The following HTR3B variants were observed in gnomAD, a reference collection of about 807,000 sequenced individuals.
The protein encoded by HTR3B is 5-hydroxytryptamine receptor 3B.
A neutral mutation model predicts 42.8 loss-of-function variants in HTR3B; 44 were observed. That is an observed-to-expected ratio of 1.03 (90% confidence interval 0.81 to 1.32). The LOEUF is 1.32. Among genes scored for constraint, HTR3B ranks in the 40% most tolerant of loss-of-function variants. The pLI, the probability that HTR3B is intolerant of heterozygous loss-of-function variation, is 0.00. For synonymous variants in HTR3B, 203 were observed against 209.0 expected, an observed-to-expected ratio of 0.97 and a Z score of 0.25; for missense variants, 527 against 536.5, an observed-to-expected ratio of 0.98 and a Z score of 0.17.
In HTR3B at chr11:113,944,627, T is replaced by C. The variant is rs751069475; in HGVS notation, c.962T>C (p.Ile321Thr). The C allele has an allele frequency of 7.4e-6, 12 of 1,614,044 alleles. No homozygotes were observed. The highest frequency in any genetic ancestry group is 4.4e-5 in the South Asian group (4 of 91,086). The stretch of plus-strand genomic sequence containing the variant: ...TTGGTTCTCAGCTTAGCTAAGTCCA[T>C]CGTGTTGGTCAAATTCCTCCATGAT... The part of the protein sequence containing the change: ...AFLVLSLAKS[I>T]VLVKFLHDEQ... Residue 321 changes from isoleucine to threonine, a missense_variant, in exon 8 of 9, where the codon ATC becomes ACC. Physicochemically the swap from Ile to Thr is moderately conservative, Grantham distance 89. Coordinates refer to ENST00000260191, the MANE Select transcript of HTR3B (RefSeq NM_006028.5).
chr11:113,915,036 T>C (rs1423756238), intron 2 of HTR3B, among the ~76,000 whole-genome samples: 1 of 152,212 alleles, frequency 6.6e-6, no homozygotes, highest in Non-Finnish European at 1.5e-5. Flanking sequence ...ATATATTTTT[T>C]TCTATTATTT....
Position 113,945,919 on chromosome 11 carries a change from G to A in HTR3B, c.1108G>A (p.Glu370Lys), listed in dbSNP as rs998681890. The A allele has an allele frequency of 9.9e-6, 16 of 1,613,954 alleles. No homozygotes were observed. The African/African-American group carries it at 1.9e-4, about 19-fold the overall frequency. ...TCACACAGAGTCCTCGCTGTATGGA[G>A]AGCACCTGGCCCAGCCAGGAACCCT... ...AVVTESSLYG[E>K]HLAQPGTLKE... Residue 370 changes from glutamate (E) to lysine (K), a missense_variant, in exon 9 of 9, where the codon GAG becomes AAG. Coordinates refer to ENST00000260191, the MANE Select transcript of HTR3B (RefSeq NM_006028.5).
At chr11:113,917,620 G>T (rs961968647) in intron 2 of HTR3B, among the ~76,000 whole-genome samples, 12 of 150,708 alleles carry the variant, frequency 8.0e-5, no homozygotes, top group East Asian at 5.9e-4. Context: ...GTCTTTGGGG[G>T]TTTTTTTTGA....
At chr11:113,925,811 G>T (rs886868453) in intron 2 of HTR3B, among the ~76,000 whole-genome samples, 1 of 152,130 alleles carries the variant, frequency 6.6e-6, no homozygotes, top group Non-Finnish European at 1.5e-5. Flanking sequence ...TACTGGAAAT[G>T]TCTTAAAAAA....
chr11:113,908,360 C>T (rs1011312802), intron 1 of HTR3B, among the ~76,000 whole-genome samples: 1 of 152,164 alleles, frequency 6.6e-6, no homozygotes, highest in Non-Finnish European at 1.5e-5. Flanking sequence ...TCAAAATAAC[C>T]ATCAAAACCA....
At chr11:113,945,277 G>A (rs1950167847) in intron 8 of HTR3B, among the ~76,000 whole-genome samples, 1 of 151,978 alleles carries the variant, frequency 6.6e-6, no homozygotes, top group Admixed American at 6.6e-5. Context: ...TAGGACTATA[G>A]GCGTGTGCCA....
At chr11:113,932,587 G>T in intron 5 of HTR3B, 129 bp downstream of exon 5, 2 of 831,936 alleles carry the variant, frequency 2.4e-6, no homozygotes, top group Non-Finnish European at 1.8e-6. Context: ...TCTTCTTGCG[G>T]TTTTTTGGCT....
intron 2 of HTR3B, among the ~76,000 whole-genome samples, chr11:113,923,275 A>G (rs1254413310): frequency 6.6e-6 from 1 of 152,222 alleles, no homozygotes; most frequent in Non-Finnish European, 1.5e-5. Context: ...ACTTTTGTTT[A>G]GAATGAAGAG....
intron 2 of HTR3B, 86 bp downstream of exon 2, chr11:113,909,541 T>TTTA (rs1231939845): frequency 9.1e-7 from 1 of 1,100,986 alleles, no homozygotes; most frequent in African/African-American, 1.6e-5. Flanking sequence ...AGAGGTTATA[T>TTTA]TCTTGAGATT....
At chr11:113,934,244 G>T (rs993472397) in intron 6 of HTR3B, among the ~76,000 whole-genome samples, 2 of 151,938 alleles carry the variant, frequency 1.3e-5, no homozygotes, top group Non-Finnish European at 2.9e-5. Context: ...AAAACTTGCT[G>T]GGTGTAGTGG....
chr11:113,935,062 A>ACT (rs924348569), intron 6 of HTR3B, among the ~76,000 whole-genome samples: 17 of 150,568 alleles, frequency 1.1e-4, no homozygotes, highest in Middle Eastern at 3.4e-3. Context: ...ACACACACAC[A>ACT]CTCTCTCTCT....
intron 2 of HTR3B, among the ~76,000 whole-genome samples, chr11:113,910,529 G>A (rs10891606): frequency 4.7e-5 from 7 of 149,908 alleles, no homozygotes; most frequent in Admixed American, 6.7e-5. Flanking sequence ...CAACCTTTGC[G>A]TCCCCGGTTC....
chr11:113,915,153 A>G (rs1949839012), intron 2 of HTR3B, among the ~76,000 whole-genome samples: 1 of 150,988 alleles, frequency 6.6e-6, no homozygotes, highest in Admixed American at 6.6e-5. Flanking sequence ...TACCAATTTT[A>G]TTTTTTTCAA....
At position 113,944,707 on chromosome 11, in the gene HTR3B, G is replaced by T; in HGVS notation, c.1042G>T (p.Ala348Ser). ...PFLCLRGDTD[A>S]DRPRVEPRAQ... Reference sequence around the variant, plus strand: ...CTTGTGCCTTCGAGGGGACACCGATGCTGACAGGCCTAGAGTGGAACCCAG... The same window carrying T: ...CTTGTGCCTTCGAGGGGACACCGATTCTGACAGGCCTAGAGTGGAACCCAG... The change falls in exon 8 of 9, where the codon GCT becomes TCT. Residue 348 changes from alanine to serine, a missense_variant. By Grantham distance (99) the Ala-to-Ser change is moderately conservative (BLOSUM62 1). Coordinates refer to ENST00000260191, the MANE Select transcript of HTR3B (RefSeq NM_006028.5). The T allele has an allele frequency of 6.2e-7, 1 of 1,614,174 alleles. No homozygotes were observed.
chr11:113,942,567 G>T (rs1950144529), intron 6 of HTR3B, among the ~76,000 whole-genome samples: 1 of 152,212 alleles, frequency 6.6e-6, no homozygotes, highest in Non-Finnish European at 1.5e-5. Flanking sequence ...TTTAAACAAG[G>T]AATTCAACCT....
Position 113,944,597 on chromosome 11 carries a change from C to A in HTR3B, c.932C>A (p.Ala311Asp), listed in dbSNP as rs775898796. ...GGGCACTTCTTCACCATCTGCATGG[C>A]CTTCTTGGTTCTCAGCTTAGCTAAG... ...LIGHFFTICM[A>D]FLVLSLAKSI... is the part of the protein sequence containing the mutation. The change falls in exon 8 of 9, where the codon GCC becomes GAC. Residue 311 changes from alanine (A) to aspartate (D), a missense_variant. Ala to Asp is a moderately radical substitution (Grantham distance 126, BLOSUM62 -2). Coordinates refer to ENST00000260191, the MANE Select transcript of HTR3B (RefSeq NM_006028.5). 5.6e-6 allele frequency: 9 copies of A among 1,614,024 alleles called. No homozygotes were observed. The highest frequency in any genetic ancestry group is 1.3e-5 in the African/African-American group (1 of 74,924).
chr11:113,923,629 C>G (rs771149679), intron 2 of HTR3B, among the ~76,000 whole-genome samples: 2 of 152,106 alleles, frequency 1.3e-5, no homozygotes, highest in Non-Finnish European at 2.9e-5. Flanking sequence ...AATAGACTCC[C>G]TCTGTTAGGA....
At chr11:113,918,299 T>G (rs1429783707) in intron 2 of HTR3B, among the ~76,000 whole-genome samples, 1 of 128,842 alleles carries the variant, frequency 7.8e-6, no homozygotes, top group Non-Finnish European at 1.6e-5. Context: ...GTGTGTGTAG[T>G]TCTATGTAAT....
At position 113,945,900 on chromosome 11, in the gene HTR3B, A is replaced by G. The variant is rs1412283240; in HGVS notation, c.1091-2A>G. ...CCCAGGGTGTTTTCCTCCATCACAC[A>G]GAGTCCTCGCTGTATGGAGAGCACC... On this transcript the variant is annotated splice_acceptor_variant, in intron 8 of 8. Coordinates refer to ENST00000260191, the MANE Select transcript of HTR3B (RefSeq NM_006028.5). LOFTEE classifies it high-confidence loss of function. 1 of 1,611,036 alleles carries G rather than the reference A, an allele frequency of 6.2e-7. No individual in the cohort carries two copies. The highest frequency in any genetic ancestry group is 8.5e-7 in the Non-Finnish European group (1 of 1,177,274).
Sources: gnomAD v4.1 joint callset for allele counts (sites outside exome capture counted in the v4.1 genomes callset) on GRCh38, gnomAD v4.1.1 for gene constraint, MANE v1.5 for transcripts, NCBI Gene and HGNC (gene_info 2026-07-23, HGNC 2026-07-21) for gene names.